WDR59: variants seen among roughly 807,000 people sequenced by gnomAD.
The protein encoded by WDR59 is WD repeat domain 59.
In WDR59, 100 loss-of-function variants were observed where a neutral mutation model predicts 131.2. The observed-to-expected ratio is 0.76, with a 90% CI of 0.65 to 0.90. The LOEUF is 0.90. Ranked by LOEUF, WDR59 falls within the 40% of genes least tolerant of loss-of-function variation. The pLI, the probability that WDR59 is intolerant of heterozygous loss-of-function variation, is 0.00. For synonymous variants in WDR59, 601 were observed against 466.2 expected, an observed-to-expected ratio of 1.29 and a Z score of -3.72; for missense variants, 1,203 against 1,262.2, an observed-to-expected ratio of 0.95 and a Z score of 0.71.
At chr16:74,906,183 G>C (rs931670241) in intron 17 of WDR59, among the ~76,000 whole-genome samples, 1 of 151,374 alleles carries the variant, frequency 6.6e-6, no homozygotes, top group African/African-American at 2.4e-5. Context: ...GCGTGGTGGC[G>C]GGCGCCTATA....
chr16:74,906,363 G>T (rs1265427503), intron 17 of WDR59, among the ~76,000 whole-genome samples: 3 of 144,492 alleles, frequency 2.1e-5, no homozygotes, highest in Non-Finnish European at 4.5e-5. Context: ...CAACAGAATG[G>T]CTAAAGTTGA....
At chr16:74,970,806 C>G (rs1262335723) in intron 1 of WDR59, among the ~76,000 whole-genome samples, 1 of 151,816 alleles carries the variant, frequency 6.6e-6, no homozygotes, top group East Asian at 1.9e-4. Flanking sequence ...AATCCCAGGA[C>G]TTTGGGAAGC....
At chr16:74,946,528 C>T (rs938931778) in intron 6 of WDR59, among the ~76,000 whole-genome samples, 4 of 152,020 alleles carry the variant, frequency 2.6e-5, no homozygotes, top group African/African-American at 9.7e-5. Flanking sequence ...TCGAGACCAG[C>T]CTGGCCAACA....
chr16:74,898,282 A>G (rs1024839139), intron 18 of WDR59, among the ~76,000 whole-genome samples: 1 of 152,098 alleles, frequency 6.6e-6, no homozygotes, highest in African/African-American at 2.4e-5. Context: ...ATCCTCCTGC[A>G]TTGCTCCAGT....
At chr16:74,979,213 G>GCTCATACCTGTAATAC (rs76969367) in intron 1 of WDR59, 1 of 151,824 alleles carries the variant, frequency 6.6e-6, no homozygotes, top group Non-Finnish European at 1.5e-5. Context: ...AGGCGCGGTG[G>GCTCATACCTGTAATAC]CAGCATTTTG....
At chr16:74,878,011 G>A (rs145867176) in intron 25 of WDR59, among the ~76,000 whole-genome samples, 6 of 152,190 alleles carry the variant, frequency 3.9e-5, no homozygotes, top group East Asian at 3.9e-4. Flanking sequence ...TACTATAAAC[G>A]TCAGCTACCT....
chr16:74,892,931 G>A (rs543876143), intron 19 of WDR59, among the ~76,000 whole-genome samples: 1 of 152,228 alleles, frequency 6.6e-6, no homozygotes, highest in African/African-American at 2.4e-5. Context: ...CTAACAGAAA[G>A]AGTAGTGTGC....
chr16:74,925,693 CCT>C (rs1266459068), intron 8 of WDR59, among the ~76,000 whole-genome samples: 1 of 151,978 alleles, frequency 6.6e-6, no homozygotes, highest in Non-Finnish European at 1.5e-5. Flanking sequence ...TGTTTGATAC[CCT>C]GTGTGGGCAG....
chr16:74,932,394 G>A (rs952477711), intron 8 of WDR59, among the ~76,000 whole-genome samples: 1 of 151,128 alleles, frequency 6.6e-6, no homozygotes, highest in African/African-American at 2.4e-5. Context: ...CCAGCCAAGA[G>A]TATCTTTTGA....
chr16:74,892,028 A>C (rs970036793), intron 20 of WDR59, among the ~76,000 whole-genome samples: 2 of 152,234 alleles, frequency 1.3e-5, no homozygotes, highest in African/African-American at 4.8e-5. Context: ...AAATACAGAG[A>C]TAATTTGTTA....
At chr16:74,946,057 G>A (rs879604940) in intron 6 of WDR59, among the ~76,000 whole-genome samples, 28 of 151,858 alleles carry the variant, frequency 1.8e-4, no homozygotes, top group African/African-American at 2.9e-4. Context: ...CAGGTGATCC[G>A]CCCGCCTCAG....
chr16:74,913,076 G>A lies in WDR59; in HGVS notation c.1225-714C>T, dbSNP rs1026975913. 4.0e-5 allele frequency among the ~76,000 whole-genome samples: 6 copies of A among 149,874 alleles called. No homozygotes were observed. The South Asian group carries it at 8.6e-4, about 21-fold the overall frequency. ...CCAGTTTATGGCTAGATTTTGGGGGGGGGGGGGGCCTGTTCCCAACATGTC... is the reference window on the plus strand; with the variant it reads ...CCAGTTTATGGCTAGATTTTGGGGGAGGGGGGGGCCTGTTCCCAACATGTC... On this transcript the variant is annotated intron_variant, in intron 13 of 25. Transcript: ENST00000262144.
At chr16:74,917,828 A>C (rs1966465856) in intron 11 of WDR59, 101 bp downstream of exon 11, 1 of 1,034,946 alleles carries the variant, frequency 9.7e-7, no homozygotes, top group Admixed American at 2.5e-5. Flanking sequence ...AAAAAAAAAA[A>C]AAAATTGTTT....
At chr16:74,879,335 T>C (rs1964371376) in intron 25 of WDR59, among the ~76,000 whole-genome samples, 1 of 152,144 alleles carries the variant, frequency 6.6e-6, no homozygotes, top group Non-Finnish European at 1.5e-5. Context: ...GCAGCCTGGG[T>C]GACAGAGTGA....
intron 13 of WDR59, among the ~76,000 whole-genome samples, chr16:74,912,929 G>T (rs1966172273): frequency 6.6e-6 from 1 of 152,218 alleles, no homozygotes; most frequent in Admixed American, 6.5e-5. Context: ...GCGGTTTTCT[G>T]CCCTGGGTGG....
At chr16:74,884,322 G>A (rs1170223063) in intron 25 of WDR59, among the ~76,000 whole-genome samples, 8 of 152,184 alleles carry the variant, frequency 5.3e-5, no homozygotes, top group Admixed American at 5.2e-4. Context: ...GCCCTTGGAA[G>A]CTTACCATTG....
intron 1 of WDR59, among the ~76,000 whole-genome samples, chr16:74,975,806 G>A (rs34537838): frequency 0.047 from 7,176 of 151,986 alleles, 229 homozygotes; most frequent in Non-Finnish European, 0.072. Context: ...AATCCTTAAC[G>A]TCTTTGTTCT....
rs1199390769 is a variant in WDR59 at position 74,873,998 on chromosome 16, T to C, written c.*211A>G. The C allele has an allele frequency of 3.5e-6, 2 of 579,054 alleles. No individual in the cohort carries two copies. Among genetic ancestry groups the C allele is most frequent in the Non-Finnish European group, 3.1e-6 (1 of 323,756 alleles). The allele number at this position is 579,054 out of a possible 1,614,324, so 35.9% of individuals were successfully genotyped here. A position where few individuals can be genotyped will look rare whatever the true frequency, so the allele number is the denominator to read the frequency against. On this transcript the variant is annotated 3_prime_UTR_variant, in exon 26 of 26. Coordinates refer to ENST00000262144, the MANE Select transcript of WDR59 (RefSeq NM_030581.4). ...AAAGCGCAGCTCTGCACTTCTGTCC[T>C]TATCTTCACACAGTGACATCCACAC...
At chr16:74,907,317 C>G (rs1263680747) in intron 17 of WDR59, among the ~76,000 whole-genome samples, 1 of 152,180 alleles carries the variant, frequency 6.6e-6, no homozygotes, top group African/African-American at 2.4e-5. Flanking sequence ...TCCACAATCC[C>G]CACATGTCAA....
Sources: allele counts gnomAD v4.1 joint callset (sites outside exome capture counted in the v4.1 genomes callset), GRCh38; gene constraint gnomAD v4.1.1; transcripts MANE v1.5; gene names NCBI Gene and HGNC (gene_info 2026-07-23, HGNC 2026-07-21).